FAM83D: variants seen among roughly 807,000 people sequenced by gnomAD.
FAM83D encodes the protein protein FAM83D.
A neutral mutation model predicts 25.4 loss-of-function variants in FAM83D; 26 were observed. The ratio of observed to expected loss-of-function variants is 1.02; its 90% CI spans 0.75 to 1.42. The LOEUF (loss-of-function observed/expected upper bound fraction) is 1.42. FAM83D is among the 40% of genes most tolerant of loss of function. The pLI is 0.00. For missense variants in FAM83D, 740 were observed against 758.1 expected (o/e 0.98, Z 0.28); for synonymous variants, 310 against 318.5 (o/e 0.97, Z 0.28).
In FAM83D at chr20:38,951,861, A is replaced by G. The variant is rs753984738; in HGVS notation, c.1099A>G (p.Thr367Ala). ...CAAGCCCCATGACTGTGAGTCCTCTACTGTTAGTGAGGAAGACTACTTCAG... is the reference window on the plus strand; with the variant it reads ...CAAGCCCCATGACTGTGAGTCCTCTGCTGTTAGTGAGGAAGACTACTTCAG... Reference protein sequence around the residue: ...ERKPHDCESSTVSEEDYFSSH... With the variant: ...ERKPHDCESSAVSEEDYFSSH... The change falls in exon 4 of 4, where the codon ACT becomes GCT. Residue 367 changes from threonine (T) to alanine (A), a missense_variant. Thr to Ala is a moderately conservative substitution (Grantham distance 58). This residue lies in a region of FAM83D where 375 missense variants were observed against 403.2 expected (regional missense o/e 0.93). Coordinates refer to ENST00000619850, the MANE Select transcript of FAM83D (RefSeq NM_030919.3). The G allele has an allele frequency of 6.2e-7, 1 of 1,614,146 alleles. No homozygotes were observed. The highest frequency in any genetic ancestry group is 1.1e-5 in the South Asian group (1 of 91,082).
intron 1 of FAM83D, among the ~76,000 whole-genome samples, chr20:38,935,250 C>T (rs2085674003): frequency 6.6e-6 from 1 of 152,132 alleles, no homozygotes; most frequent in African/African-American, 2.4e-5. Context: ...AAGCCCTCCT[C>T]CCCCTACCCC....
chr20:38,927,745 C>T (rs570424426), intron 1 of FAM83D, among the ~76,000 whole-genome samples: 4 of 151,772 alleles, frequency 2.6e-5, no homozygotes, highest in African/African-American at 9.7e-5. Flanking sequence ...GTGATCCACC[C>T]GCCTCGGCCT....
intron 1 of FAM83D, among the ~76,000 whole-genome samples, chr20:38,939,660 T>C (rs557923446): frequency 2.8e-4 from 42 of 152,284 alleles, no homozygotes; most frequent in African/African-American, 1.0e-3. Context: ...CCCCTTAGTT[T>C]AATTGCTTAG....
In FAM83D at chr20:38,951,837, A is replaced by G. The variant is rs1350148368; in HGVS notation, c.1075A>G (p.Lys359Glu). ...GCCCGCAGAGGGCAAGGCAGAGCGC[A>G]AGCCCCATGACTGTGAGTCCTCTAC... ...EMPAEGKAER[K>E]PHDCESSTVS... Residue 359 changes from lysine (K) to glutamate (E), a missense_variant, in exon 4 of 4, where the codon AAG (lysine) becomes GAG (glutamate). By Grantham distance (56) the Lys-to-Glu change is moderately conservative. Transcript: ENST00000619850. The G allele has an allele frequency of 6.2e-7, 1 of 1,614,204 alleles. No individual in the cohort carries two copies. Among genetic ancestry groups the G allele is most frequent in the South Asian group, 1.1e-5 (1 of 91,086 alleles).
At chr20:38,944,396 G>A (rs2085717028) in intron 2 of FAM83D, among the ~76,000 whole-genome samples, 1 of 152,178 alleles carries the variant, frequency 6.6e-6, no homozygotes, top group African/African-American at 2.4e-5. Flanking sequence ...ACTTTGGCAT[G>A]GAAAAGAGCA....
In FAM83D at chr20:38,926,550, G is replaced by A. The variant is rs2085635308; in HGVS notation, c.108G>A (p.Leu36=). 1 of 1,579,964 alleles carries A rather than the reference G, an allele frequency of 6.3e-7. No homozygotes were observed. Among genetic ancestry groups the A allele is most frequent in the Non-Finnish European group, 8.5e-7 (1 of 1,170,204 alleles). ...TCAGCGAGTCACGGCGCCTGGCTCT[G>A]GAGGAGCTGGTGGCGGGCGGCCCCG... ...ELFSESRRLA[L]EELVAGGPEA... Residue 36 remains leucine, a synonymous_variant, in exon 1 of 4, where the codon CTG becomes CTA. Transcript: ENST00000619850.
At chr20:38,937,285 CTG>C (rs1348994429) in intron 1 of FAM83D, among the ~76,000 whole-genome samples, 2 of 152,210 alleles carry the variant, frequency 1.3e-5, no homozygotes, top group Non-Finnish European at 2.9e-5. Flanking sequence ...AGTGCCATGA[CTG>C]TGGGCACTTG....
chr20:38,943,116 C>T (rs897638620), intron 2 of FAM83D, among the ~76,000 whole-genome samples: 1 of 151,994 alleles, frequency 6.6e-6, no homozygotes, highest in African/African-American at 2.4e-5. Flanking sequence ...CATCCCTCTC[C>T]CAGGTTCAAG....
intron 1 of FAM83D, among the ~76,000 whole-genome samples, chr20:38,935,806 T>G (rs1460786912): frequency 6.6e-6 from 1 of 152,154 alleles, no homozygotes; most frequent in South Asian, 2.1e-4. Context: ...ACAAGCAAGT[T>G]TAGGTTTCGC....
At chr20:38,947,187 C>T (rs180692270) in intron 2 of FAM83D, among the ~76,000 whole-genome samples, 121 of 152,318 alleles carry the variant, frequency 7.9e-4, no homozygotes, top group African/African-American at 2.6e-3. Context: ...TTATGTGTGT[C>T]ATTTTACAGG....
intron 3 of FAM83D, among the ~76,000 whole-genome samples, chr20:38,950,310 G>T (rs2085747553): frequency 6.6e-6 from 1 of 152,202 alleles, no homozygotes; most frequent in Non-Finnish European, 1.5e-5. Context: ...AAGGGAATAG[G>T]ATACTCTGGC....
At chr20:38,944,938 C>CAA (rs778097440) in intron 2 of FAM83D, among the ~76,000 whole-genome samples, 1 of 106,784 alleles carries the variant, frequency 9.4e-6, no homozygotes, top group African/African-American at 3.5e-5. Flanking sequence ...GACTCTGTCT[C>CAA]AAAAAAAAAA....
chr20:38,936,249 C>T (rs763832195), intron 1 of FAM83D, among the ~76,000 whole-genome samples: 19 of 152,138 alleles, frequency 1.2e-4, no homozygotes, highest in Non-Finnish European at 2.5e-4. Context: ...GAATGACTGG[C>T]CCTGAGGGGC....
rs1164259755 is a variant in FAM83D, at chr20:38,941,973, C to T, written c.498C>T (p.Val166=). The T allele has an allele frequency of 1.2e-6, 2 of 1,613,856 alleles. No homozygotes were observed. The highest frequency in any genetic ancestry group is 1.7e-6 in the Non-Finnish European group (2 of 1,180,042). Reference sequence around the variant, plus strand: ...TTCACCTGTAGGTGATTGCAGTGGTCATGGACGTGTTCACAGACATCGACA... The same window carrying T: ...TTCACCTGTAGGTGATTGCAGTGGTTATGGACGTGTTCACAGACATCGACA... ...LRSAREVIAV[V]MDVFTDIDIF... The change falls in exon 2 of 4, where the codon GTC becomes GTT. Residue 166 remains valine (V), a synonymous_variant. Coordinates refer to ENST00000619850, the MANE Select transcript of FAM83D (RefSeq NM_030919.3).
chr20:38,934,756 G>C (rs1371955615), intron 1 of FAM83D, among the ~76,000 whole-genome samples: 1 of 152,156 alleles, frequency 6.6e-6, no homozygotes, highest in Non-Finnish European at 1.5e-5. Context: ...GAACCGATTC[G>C]TCTCTGCAGT....
rs139030501 is a variant in FAM83D, at chr20:38,938,449, C to T, written c.484-3510C>T. 2.9e-3 allele frequency among the ~76,000 whole-genome samples: 445 copies of T among 152,330 alleles called. 2 individuals are homozygous for T. The highest frequency in any genetic ancestry group is 0.01 in the African/African-American group (426 of 41,572). On this transcript the variant is annotated intron_variant, in intron 1 of 3. Transcript: ENST00000619850. ...ACACTAGATCCTCAGTGCTCAACAC[C>T]TGCCTGCCTCGATTGGGTCCACAAT... is the stretch of plus-strand genomic sequence containing the variant.
chr20:38,952,103 T>C lies in FAM83D; in HGVS notation c.1341T>C (p.Asp447=). The C allele has an allele frequency of 6.2e-7, 1 of 1,614,248 alleles. No homozygotes were observed. Among genetic ancestry groups the C allele is most frequent in the Non-Finnish European group, 8.5e-7 (1 of 1,180,044 alleles). The stretch of plus-strand genomic sequence containing the variant: ...CGACCACTACTCAGACTGACATGGA[T>C]GAGAACATTCTCTTTCCTCGAGGAA... ...SRSTTTQTDM[D]ENILFPRGTQ... The change falls in exon 4 of 4, where the codon GAT becomes GAC. Residue 447 remains aspartate (D), a synonymous_variant. Transcript: ENST00000619850.
At position 38,934,463 on chromosome 20, in the gene FAM83D, G is replaced by A. The variant is rs190932304; in HGVS notation, c.484-7496G>A. 4.8e-3 allele frequency among the ~76,000 whole-genome samples: 715 copies of A among 149,338 alleles called. 3 individuals carry two copies. Among genetic ancestry groups the A allele is most frequent in the African/African-American group, 0.016 (661 of 40,244 alleles). On this transcript the variant is annotated intron_variant, in intron 1 of 3. Transcript: ENST00000619850. ...AGCCAAGATCGTGCCATTGCACTCC[G>A]GCCTGGGCAACAAGAGTGAAACTCC...
chr20:38,936,623 G>A (rs1416002686), intron 1 of FAM83D, among the ~76,000 whole-genome samples: 1 of 152,084 alleles, frequency 6.6e-6, no homozygotes, highest in African/African-American at 2.4e-5. Context: ...AAAATACTGA[G>A]TATAGTACTT....
Sources: allele counts gnomAD v4.1 joint callset (sites outside exome capture counted in the v4.1 genomes callset), GRCh38; gene constraint gnomAD v4.1.1; regional missense constraint gnomAD v4.1.1; transcripts MANE v1.5; gene names NCBI Gene and HGNC (gene_info 2026-07-23, HGNC 2026-07-21).